The following MARCHF8 variants were observed in gnomAD, a reference collection of about 807,000 sequenced individuals.
The protein encoded by MARCHF8 is E3 ubiquitin-protein ligase MARCHF8.
A neutral mutation model predicts 51.6 loss-of-function variants in MARCHF8; 40 were observed. The observed-to-expected ratio is 0.77, with a 90% CI of 0.60 to 1.01. The LOEUF (loss-of-function observed/expected upper bound fraction) is 1.01, where lower values mean the gene tolerates loss of function less well. Among genes scored for constraint, MARCHF8 ranks in the 50% least tolerant of loss-of-function variants. The probability of loss-of-function intolerance (pLI) is 0.00; values close to 1 mark genes in which losing one functional copy is unlikely to be tolerated. For missense variants in MARCHF8, 685 were observed against 708.6 expected (o/e 0.97, Z 0.38); for synonymous variants, 263 against 280.3 (o/e 0.94, Z 0.62).
intron 2 of MARCHF8, among the ~76,000 whole-genome samples, chr10:45,490,845 C>T (rs1479823937): frequency 6.6e-6 from 1 of 152,130 alleles, no homozygotes; most frequent in Non-Finnish European, 1.5e-5. Flanking sequence ...TCAAGTGATC[C>T]TCCTGCCTCA....
chr10:45,531,267 C>G (rs1026598099), intron 2 of MARCHF8, among the ~76,000 whole-genome samples: 3 of 152,056 alleles, frequency 2.0e-5, no homozygotes, highest in African/African-American at 7.2e-5. Flanking sequence ...ACAAGCACAA[C>G]TTCAGAATAC....
intron 1 of MARCHF8, among the ~76,000 whole-genome samples, chr10:45,571,861 T>C (rs963626885): frequency 6.6e-6 from 1 of 152,208 alleles, no homozygotes; most frequent in African/African-American, 2.4e-5. Context: ...AAAGGAGACA[T>C]GTTTTATCCG....
intron 3 of MARCHF8, among the ~76,000 whole-genome samples, chr10:45,481,817 A>C (rs555717602): frequency 5.3e-5 from 8 of 152,238 alleles, no homozygotes; most frequent in Non-Finnish European, 1.2e-4. Flanking sequence ...TGGAAGTCCT[A>C]GTTAGAGCAA....
chr10:45,591,004 C>T (rs1161171861), intron 1 of MARCHF8, among the ~76,000 whole-genome samples: 1 of 152,196 alleles, frequency 6.6e-6, no homozygotes. Flanking sequence ...TTTGTAATCT[C>T]CCCCACCCTT....
chr10:45,463,139 TG>T lies in MARCHF8; in HGVS notation c.1088+11del. 1 of 1,543,568 alleles carries T rather than the reference TG, an allele frequency of 6.5e-7. No individual in the cohort carries two copies. Among genetic ancestry groups the T allele is most frequent in the Non-Finnish European group, 8.8e-7 (1 of 1,142,708 alleles). ...CAGAGATGGCTAGAATGGCACTTCC[TG>T]GCAAACCAACCTGCAGACATCCCCT... On this transcript the variant is annotated intron_variant, in intron 5 of 7. Transcript: ENST00000453424.
chr10:45,504,212 G>A (rs1402282786), intron 2 of MARCHF8, among the ~76,000 whole-genome samples: 3 of 152,192 alleles, frequency 2.0e-5, no homozygotes, highest in Non-Finnish European at 2.9e-5. Context: ...TTGGGAGGCC[G>A]AGACGGGCAG....
chr10:45,491,817 A>G (rs2043085231), intron 2 of MARCHF8, among the ~76,000 whole-genome samples: 1 of 152,218 alleles, frequency 6.6e-6, no homozygotes, highest in African/African-American at 2.4e-5. Context: ...ACAGAAAGCC[A>G]ATTATAACCA....
intron 3 of MARCHF8, among the ~76,000 whole-genome samples, chr10:45,485,667 T>C (rs919734997): frequency 6.6e-6 from 1 of 152,324 alleles, no homozygotes; most frequent in African/African-American, 2.4e-5. Context: ...GATGGAATAC[T>C]AGGAGGCATG....
At chr10:45,585,951 G>C (rs1214164312) in intron 1 of MARCHF8, among the ~76,000 whole-genome samples, 2 of 151,626 alleles carry the variant, frequency 1.3e-5, no homozygotes, top group African/African-American at 4.9e-5. Flanking sequence ...CATTTCCTAT[G>C]AGTATACATA....
chr10:45,561,463 C>T (rs1454088442), intron 1 of MARCHF8, among the ~76,000 whole-genome samples: 3 of 151,322 alleles, frequency 2.0e-5, no homozygotes, highest in Admixed American at 6.6e-5. Context: ...TTAGTGGAGA[C>T]GGGGTTTCAC....
intron 1 of MARCHF8, among the ~76,000 whole-genome samples, chr10:45,575,666 C>T (rs902872549): frequency 6.6e-6 from 1 of 152,156 alleles, no homozygotes; most frequent in Admixed American, 6.5e-5. Context: ...ACCACTATTT[C>T]GTTTTATTTT....
chr10:45,495,053 G>A (rs943032368), intron 2 of MARCHF8, among the ~76,000 whole-genome samples: 1 of 151,832 alleles, frequency 6.6e-6, no homozygotes, highest in African/African-American at 2.4e-5. Flanking sequence ...CTGAAAGGCA[G>A]AGGTTGCAGT....
intron 2 of MARCHF8, among the ~76,000 whole-genome samples, chr10:45,527,719 G>T (rs551855921): frequency 1.3e-5 from 2 of 152,054 alleles, no homozygotes; most frequent in South Asian, 2.1e-4. Context: ...TGACAACACT[G>T]TTCCCCCAAA....
At chr10:45,593,338 T>C (rs1230780616) in intron 1 of MARCHF8, 2 of 152,038 alleles carry the variant, frequency 1.3e-5, no homozygotes, top group South Asian at 2.1e-4. Context: ...AACCTGATAA[T>C]TTTGTCTACA....
At chr10:45,475,266 C>A (rs2042766308) in intron 3 of MARCHF8, among the ~76,000 whole-genome samples, 1 of 152,200 alleles carries the variant, frequency 6.6e-6, no homozygotes, top group Admixed American at 6.5e-5. Context: ...GCTGGCATAC[C>A]TATTGCCACT....
chr10:45,594,616 C>A (rs1158702246), exon 1 of MARCHF8: 1 of 150,134 alleles, frequency 6.7e-6, no homozygotes, highest in Admixed American at 6.7e-5. Context: ...CAGCCCAGCC[C>A]AGCCCAGCCC....
At chr10:45,518,653 G>A (rs2133227452) in intron 2 of MARCHF8, among the ~76,000 whole-genome samples, 1 of 152,274 alleles carries the variant, frequency 6.6e-6, no homozygotes, top group South Asian at 2.1e-4. Flanking sequence ...CAGAATATTA[G>A]GAGCTTCCTC....
At chr10:45,532,462 G>A (rs902894063) in intron 2 of MARCHF8, among the ~76,000 whole-genome samples, 1 of 152,134 alleles carries the variant, frequency 6.6e-6, no homozygotes, top group African/African-American at 2.4e-5. Context: ...TTGGAGGTGG[G>A]GCCTTGGGGA....
At chr10:45,534,602 T>C (rs974916607) in intron 1 of MARCHF8, among the ~76,000 whole-genome samples, 1 of 152,210 alleles carries the variant, frequency 6.6e-6, no homozygotes. Flanking sequence ...AAATGTTTCA[T>C]GTTGTTCAAA....
Sources: gnomAD v4.1 joint callset for allele counts (sites outside exome capture counted in the v4.1 genomes callset) on GRCh38, gnomAD v4.1.1 for gene constraint, MANE v1.5 for transcripts, NCBI Gene and HGNC (gene_info 2026-07-23, HGNC 2026-07-21) for gene names.